The following ATAD2B variants were observed in gnomAD, a reference collection of about 807,000 sequenced individuals.
ATAD2B encodes ATPase family AAA domain containing 2B.
A neutral mutation model predicts 167.6 loss-of-function variants in ATAD2B; 40 were observed. The ratio of observed to expected loss-of-function variants is 0.24; its 90% CI spans 0.19 to 0.31. The LOEUF is 0.31. ATAD2B is among the 10% of genes least tolerant of loss of function. ATAD2B has a pLI of 1.00. For synonymous variants in ATAD2B, 579 were observed against 596.5 expected (o/e 0.97, Z 0.43); for missense variants, 1,242 against 1,757.2 (o/e 0.71, Z 5.24).
downstream of ATAD2B, among the ~76,000 whole-genome samples, chr2:23,745,029 T>C (rs569782886): frequency 1.3e-5 from 2 of 152,214 alleles, no homozygotes. Flanking sequence ...CTCACGCTTG[T>C]AATCCCAGCA....
intron 14 of ATAD2B, among the ~76,000 whole-genome samples, chr2:23,829,865 A>C (rs1264176847): frequency 6.6e-6 from 1 of 152,258 alleles, no homozygotes; most frequent in Non-Finnish European, 1.5e-5. Context: ...TGAAAGATCA[A>C]AGTGTTATAA....
At position 23,754,765 on chromosome 2, in the gene ATAD2B, T is replaced by G. The variant is rs750430016; in HGVS notation, c.4088A>C (p.Lys1363Thr). Residue 1363 changes from lysine to threonine, a missense_variant, in exon 26 of 28, where the codon AAA becomes ACA. Physicochemically the swap from Lys to Thr is moderately conservative, Grantham distance 78. Coordinates refer to ENST00000238789, the MANE Select transcript of ATAD2B (RefSeq NM_017552.4). The stretch of plus-strand genomic sequence containing the variant: ...AATTAATTTACGGTATTTCTTTACT[T>G]TAGAAGCACCTATAATTGAGACAAA... The part of the protein sequence containing the change: ...DAELDKEGAS[K>T]VKKYRKLILE... The G allele has an allele frequency of 6.2e-7, 1 of 1,611,974 alleles. No individual in the cohort carries two copies. Among genetic ancestry groups the G allele is most frequent in the Non-Finnish European group, 8.5e-7 (1 of 1,178,804 alleles).
chr2:23,834,956 C>A (rs1689692211), intron 13 of ATAD2B, among the ~76,000 whole-genome samples: 1 of 152,072 alleles, frequency 6.6e-6, no homozygotes, highest in Non-Finnish European at 1.5e-5. Context: ...AGACGATACA[C>A]AAAACCACAT....
At chr2:23,813,579 T>C (rs1429225073) in intron 17 of ATAD2B, among the ~76,000 whole-genome samples, 1 of 143,088 alleles carries the variant, frequency 7.0e-6, no homozygotes, top group Non-Finnish European at 1.5e-5. Flanking sequence ...CTACAAAAAA[T>C]TAAAAAAAAA....
intron 22 of ATAD2B, among the ~76,000 whole-genome samples, chr2:23,766,093 A>AT (rs921340923): frequency 2.4e-4 from 37 of 151,672 alleles, no homozygotes; most frequent in African/African-American, 7.2e-4. Flanking sequence ...AAGGTGACTT[A>AT]TTTTTTTTTA....
intron 16 of ATAD2B, among the ~76,000 whole-genome samples, chr2:23,821,855 T>C (rs1401362537): frequency 6.6e-6 from 1 of 152,226 alleles, no homozygotes; most frequent in East Asian, 1.9e-4. Flanking sequence ...GGTTTCACCA[T>C]GTTGGCCAGG....
intron 1 of ATAD2B, among the ~76,000 whole-genome samples, chr2:23,919,388 A>T (rs1195465343): frequency 6.6e-6 from 1 of 152,052 alleles, no homozygotes; most frequent in Non-Finnish European, 1.5e-5. Flanking sequence ...CTCTACAAAA[A>T]ATACAAAAAT....
At position 23,754,692 on chromosome 2, in the gene ATAD2B, T is replaced by C. The variant is rs756383737; in HGVS notation, c.4161A>G (p.Pro1387=). The C allele has an allele frequency of 7.4e-6, 12 of 1,613,096 alleles. No individual in the cohort carries two copies. The highest frequency in any genetic ancestry group is 8.5e-7 in the Non-Finnish European group (1 of 1,179,402). The part of the protein sequence containing the change: ...TTSLELVPEE[P]SEPVPPLIVD... Reference sequence around the variant, plus strand: ...CTATAAGAGGAGGCACAGGCTCAGATGGCTCTTCTGGAACCAGTTCCAGGC... The same window carrying C: ...CTATAAGAGGAGGCACAGGCTCAGACGGCTCTTCTGGAACCAGTTCCAGGC... The change falls in exon 26 of 28, where the codon CCA becomes CCG. Residue 1387 remains proline (P), a synonymous_variant. Transcript: ENST00000238789.
At chr2:23,911,244 G>A (rs969811252) in intron 1 of ATAD2B, among the ~76,000 whole-genome samples, 4 of 149,482 alleles carry the variant, frequency 2.7e-5, no homozygotes, top group African/African-American at 7.4e-5. Context: ...AAGAGGTAAC[G>A]TTCTTTAAAG....
At chr2:23,883,279 CAAAA>C (rs56994882) in intron 6 of ATAD2B, among the ~76,000 whole-genome samples, 1 of 89,018 alleles carries the variant, frequency 1.1e-5, no homozygotes, top group Non-Finnish European at 2.3e-5. Context: ...AAAACTGTCT[CAAAA>C]AAAAAAAAAA....
intron 8 of ATAD2B, among the ~76,000 whole-genome samples, chr2:23,873,655 A>G (rs1573169612): frequency 6.6e-6 from 1 of 152,268 alleles, no homozygotes; most frequent in Non-Finnish European, 1.5e-5. Context: ...TTTTTTCTCA[A>G]ATATTTTCGA....
intron 1 of ATAD2B, among the ~76,000 whole-genome samples, chr2:23,903,013 T>C (rs138520549): frequency 2.1e-4 from 32 of 152,212 alleles, no homozygotes; most frequent in African/African-American, 6.7e-4. Context: ...GGTGGGCAGA[T>C]TGTTTGAGCT....
At chr2:23,837,541 C>T (rs374691240) in intron 13 of ATAD2B, among the ~76,000 whole-genome samples, 1 of 152,198 alleles carries the variant, frequency 6.6e-6, no homozygotes, top group South Asian at 2.1e-4. Context: ...GGTGGGATTC[C>T]CACTTGTCCC....
intron 20 of ATAD2B, among the ~76,000 whole-genome samples, chr2:23,786,598 G>A (rs1052975643): frequency 2.6e-5 from 4 of 152,052 alleles, no homozygotes; most frequent in Non-Finnish European, 4.4e-5. Context: ...ATACTTTTAT[G>A]AGGCCACCAT....
the ATAD2B span, among the ~76,000 whole-genome samples, chr2:23,736,657 A>G: frequency 1.1e-4 from 16 of 152,292 alleles, no homozygotes; most frequent in African/African-American, 3.8e-4. Context: ...CAACTGAGGT[A>G]CCAGGTTCAT....
At chr2:23,746,400 T>G (rs1234555241), downstream of ATAD2B, among the ~76,000 whole-genome samples, 1 of 152,244 alleles carries the variant, frequency 6.6e-6, no homozygotes, top group Non-Finnish European at 1.5e-5. Context: ...CATTTGTGTC[T>G]GTATAGCACT....
the ATAD2B span, among the ~76,000 whole-genome samples, chr2:23,721,432 T>C: frequency 6.6e-6 from 1 of 152,038 alleles, no homozygotes; most frequent in African/African-American, 2.4e-5. Flanking sequence ...GCCAGCCAAG[T>C]AGCTGTGCAC....
intron 13 of ATAD2B, among the ~76,000 whole-genome samples, chr2:23,838,548 T>G (rs1690362001): frequency 1.3e-5 from 2 of 152,208 alleles, no homozygotes; most frequent in Non-Finnish European, 2.9e-5. Context: ...TGACACAATA[T>G]TCAAGGCCTA....
chr2:23,851,051 G>A (rs1573033964), intron 13 of ATAD2B, among the ~76,000 whole-genome samples: 1 of 152,294 alleles, frequency 6.6e-6, no homozygotes, highest in East Asian at 1.9e-4. Flanking sequence ...GTCCTCACCA[G>A]ACACTAAATC....
Sources: allele counts gnomAD v4.1 joint callset (sites outside exome capture counted in the v4.1 genomes callset), GRCh38; gene constraint gnomAD v4.1.1; transcripts MANE v1.5; gene names NCBI Gene and HGNC (gene_info 2026-07-23, HGNC 2026-07-21).